MED23: variants seen among roughly 807,000 people sequenced by gnomAD.
The protein encoded by MED23 is mediator of RNA polymerase II transcription subunit 23.
MED23 carries 105 observed loss-of-function variants against 163.9 expected under a neutral mutation model. The observed-to-expected ratio is 0.64, with a 90% confidence interval of 0.55 to 0.75. The LOEUF (loss-of-function observed/expected upper bound fraction) is 0.75. Ranked by LOEUF, MED23 falls within the 30% of genes least tolerant of loss-of-function variation. MED23 has a pLI of 0.00. For missense variants in MED23, 1,054 were observed against 1,649.0 expected, an observed-to-expected ratio of 0.64 and a Z score of 6.25; for synonymous variants, 561 against 565.6, an observed-to-expected ratio of 0.99 and a Z score of 0.12.
At chr6:131,627,914 G>T (rs1461007474) in intron 1 of MED23, 97 bp downstream of exon 1, 1 of 1,468,472 alleles carries the variant, frequency 6.8e-7, no homozygotes, top group African/African-American at 1.4e-5. Flanking sequence ...AAAGGGAGGC[G>T]TGAGAGGAGG....
intron 30 of MED23, chr6:131,579,024 G>T: frequency 1.4e-6 from 2 of 1,439,574 alleles, no homozygotes; most frequent in South Asian, 1.2e-5. Context: ...GTGAATATAT[G>T]CCTATTTTAT....
At position 131,620,686 on chromosome 6, in the gene MED23, G is replaced by T. The variant is rs2114756866; in HGVS notation, c.539C>A (p.Ala180Asp). 2 of 1,613,498 alleles carry T rather than the reference G, an allele frequency of 1.2e-6. No individual in the cohort carries two copies. The highest frequency in any genetic ancestry group is 1.7e-6 in the Non-Finnish European group (2 of 1,179,642). ...CCTGATCTCAGTGACTGCAAAATAGGCTGGTAATAAGCAGGCATTTCTTTC... is the reference window on the plus strand; with the variant it reads ...CCTGATCTCAGTGACTGCAAAATAGTCTGGTAATAAGCAGGCATTTCTTTC... ...ILERNACLLPAYFAVTEIRKL... is the reference protein window; with the variant it reads ...ILERNACLLPDYFAVTEIRKL... Residue 180 changes from alanine to aspartate, a missense_variant, in exon 7 of 29, where the codon GCC becomes GAC. Ala to Asp is a moderately radical substitution (Grantham distance 126). This residue lies in a region of MED23 where 227 missense variants were observed against 235.5 expected (regional missense o/e 0.96). Coordinates refer to ENST00000368068, the MANE Select transcript of MED23 (RefSeq NM_004830.4).
At chr6:131,574,076 C>T in exon 31 of MED23, 4 of 612,268 alleles carry the variant, frequency 6.5e-6, no homozygotes, top group Admixed American at 5.2e-5. Flanking sequence ...TTTTTTTCTG[C>T]CTGGGCACAC....
chr6:131,618,816 A>G (rs1025946548), intron 8 of MED23, among the ~76,000 whole-genome samples: 6 of 152,228 alleles, frequency 3.9e-5, no homozygotes, highest in African/African-American at 9.6e-5. Context: ...CTGTTTTTGT[A>G]AAGTTTTATT....
At chr6:131,612,883 T>C (rs950378395) in intron 10 of MED23, among the ~76,000 whole-genome samples, 1 of 152,120 alleles carries the variant, frequency 6.6e-6, no homozygotes, top group African/African-American at 2.4e-5. Flanking sequence ...TATTGAGTGG[T>C]ACTTGACGCT....
intron 1 of MED23, 134 bp downstream of exon 1, chr6:131,627,877 A>G: frequency 2.4e-6 from 3 of 1,226,264 alleles, no homozygotes; most frequent in South Asian, 1.2e-5. Context: ...CCCCGCATAC[A>G]ACCTCGGTGT....
intron 10 of MED23, among the ~76,000 whole-genome samples, chr6:131,610,468 C>T (rs1776202198): frequency 6.6e-6 from 1 of 152,206 alleles, no homozygotes; most frequent in African/African-American, 2.4e-5. Flanking sequence ...ACAAAACAGA[C>T]TTCCCATTAA....
At chr6:131,577,009 T>C (rs1362743689) in intron 30 of MED23, among the ~76,000 whole-genome samples, 1 of 151,272 alleles carries the variant, frequency 6.6e-6, no homozygotes, top group Non-Finnish European at 1.5e-5. Context: ...TTGGGGTGGA[T>C]GGTAGGGGAG....
At chr6:131,591,778 T>A in intron 25 of MED23, 1 of 508,504 alleles carries the variant, frequency 2.0e-6, no homozygotes. Flanking sequence ...ATGCAGTAAA[T>A]CAATTAATTT....
At chr6:131,626,120 T>C (rs1426937006) in intron 3 of MED23, among the ~76,000 whole-genome samples, 4 of 99,286 alleles carry the variant, frequency 4.0e-5, no homozygotes, top group African/African-American at 1.7e-4. Context: ...AGACTCTGTC[T>C]CCAAAAAAAA....
At chr6:131,615,293 T>C in intron 10 of MED23, 1 of 1,608,764 alleles carries the variant, frequency 6.2e-7, no homozygotes, top group Non-Finnish European at 8.5e-7. Flanking sequence ...GTATCGTTAG[T>C]CACAATACAA....
chr6:131,620,166 A>G (rs1776988114), intron 7 of MED23, among the ~76,000 whole-genome samples: 1 of 152,214 alleles, frequency 6.6e-6, no homozygotes, highest in Non-Finnish European at 1.5e-5. Flanking sequence ...TAAATTCTCA[A>G]TGGAAATGGA....
downstream of MED23, chr6:131,584,074 G>A: frequency 1.3e-6 from 1 of 780,142 alleles, no homozygotes; most frequent in Non-Finnish European, 2.0e-6. Context: ...TTCAAGATGT[G>A]GAAATTCTAA....
chr6:131,600,562 A>T (rs1258522355), intron 17 of MED23, among the ~76,000 whole-genome samples: 1 of 152,250 alleles, frequency 6.6e-6, no homozygotes, highest in Admixed American at 6.5e-5. Context: ...ATGCATGTAT[A>T]AATCTCAGAA....
At chr6:131,627,913 C>T (rs1777635002) in intron 1 of MED23, 98 bp downstream of exon 1, 32 of 1,450,470 alleles carry the variant, frequency 2.2e-5, no homozygotes, top group Non-Finnish European at 3.1e-5. Flanking sequence ...AAAAGGGAGG[C>T]GTGAGAGGAG....
chr6:131,596,533 G>A lies in MED23; in HGVS notation c.2763C>T (p.His921=), dbSNP rs780763383. The A allele has an allele frequency of 1.2e-6, 2 of 1,614,136 alleles. No homozygotes were observed. The highest frequency in any genetic ancestry group is 2.2e-5 in the South Asian group (2 of 91,078). The part of the protein sequence containing the change: ...HWLQNDWHTK[H]MNYHKKYPEK... ...GGACTAGTACCTTGTGATAATTCAT[G>A]TGCTTGGTGTGCCAGTCATTCTGTA... Residue 921 remains histidine, a synonymous_variant, in exon 21 of 29, where the codon CAC becomes CAT. Transcript: ENST00000368068.
At chr6:131,618,334 G>A (rs1380679871) in intron 9 of MED23, 73 bp downstream of exon 9, 1 of 957,938 alleles carries the variant, frequency 1.0e-6, no homozygotes, top group Non-Finnish European at 1.7e-6. Flanking sequence ...CAACAATTTA[G>A]CATCACATAT....
At position 131,602,366 on chromosome 6, in the gene MED23, A is replaced by G. The variant is rs897076399; in HGVS notation, c.1947T>C (p.Ala649=). ...TACCTAATGCTGTTATAAGCCTGAG[A>G]GCAGTGCTCTCGACACTGAAAATTG... The part of the protein sequence containing the change: ...NQLHLCVEST[A]LRLITALGSS... The change falls in exon 17 of 29, where the codon GCT becomes GCC. Residue 649 remains alanine, a synonymous_variant. Coordinates refer to ENST00000368068, the MANE Select transcript of MED23 (RefSeq NM_004830.4). 6 of 1,613,642 alleles carry G rather than the reference A, an allele frequency of 3.7e-6. No homozygotes were observed. In the African/African-American group the frequency reaches 8.0e-5, roughly 22 times the overall value.
At chr6:131,604,450 T>C in intron 14 of MED23, 130 bp from the exon 15 acceptor site, 1 of 1,045,018 alleles carries the variant, frequency 9.6e-7, no homozygotes, top group Non-Finnish European at 1.4e-6. Flanking sequence ...TCATTTAATG[T>C]GTTTAAGCTG....
Sources: gnomAD v4.1 joint callset for allele counts (sites outside exome capture counted in the v4.1 genomes callset) on GRCh38, gnomAD v4.1.1 for gene constraint, gnomAD v4.1.1 regional missense constraint, MANE v1.5 for transcripts, NCBI Gene and HGNC (gene_info 2026-07-23, HGNC 2026-07-21) for gene names.